Variants in POU6F2 observed in about 807,000 individuals in gnomAD.
POU6F2 encodes POU domain, class 6, transcription factor 2.
POU6F2 carries 31 observed loss-of-function variants against 71.3 expected under a neutral mutation model. The ratio of observed to expected loss-of-function variants is 0.43; its 90% CI spans 0.33 to 0.59. The LOEUF (loss-of-function observed/expected upper bound fraction) is 0.59, where lower values mean the gene tolerates loss of function less well. Ranked by LOEUF, POU6F2 falls within the 20% of genes least tolerant of loss-of-function variation. POU6F2 has a pLI of 0.04. For synonymous variants in POU6F2, 347 were observed against 355.7 expected, an observed-to-expected ratio of 0.98 and a Z score of 0.27; for missense variants, 783 against 856.8, an observed-to-expected ratio of 0.91 and a Z score of 1.07.
At chr7:39,317,479 T>C (rs1785293350) in intron 4 of POU6F2, among the ~76,000 whole-genome samples, 1 of 152,228 alleles carries the variant, frequency 6.6e-6, no homozygotes, top group Non-Finnish European at 1.5e-5. Flanking sequence ...TCAGTTTTTG[T>C]GCCAAAGATA....
At chr7:39,430,733 A>G (rs1307415026) in intron 6 of POU6F2, among the ~76,000 whole-genome samples, 1 of 152,076 alleles carries the variant, frequency 6.6e-6, no homozygotes, top group Non-Finnish European at 1.5e-5. Context: ...ACTTGCTCCC[A>G]CTGGCTCTTA....
At chr7:39,001,708 GTGA>G (rs1788915526) in intron 1 of POU6F2, among the ~76,000 whole-genome samples, 1 of 151,822 alleles carries the variant, frequency 6.6e-6, no homozygotes, top group East Asian at 1.9e-4. Context: ...TGATGGTGAT[GTGA>G]TGATGATATA....
chr7:39,279,975 G>T (rs1225560504), intron 4 of POU6F2, among the ~76,000 whole-genome samples: 1 of 151,990 alleles, frequency 6.6e-6, no homozygotes, highest in Non-Finnish European at 1.5e-5. Flanking sequence ...TCGAACTCCT[G>T]ACCTCATGAT....
intron 2 of POU6F2, among the ~76,000 whole-genome samples, chr7:39,136,165 C>G (rs1251895810): frequency 6.6e-6 from 1 of 151,922 alleles, no homozygotes; most frequent in Non-Finnish European, 1.5e-5. Flanking sequence ...TTACTTTTGC[C>G]CAAATTAACA....
At chr7:39,036,025 C>G (rs562563678) in intron 1 of POU6F2, among the ~76,000 whole-genome samples, 8 of 152,096 alleles carry the variant, frequency 5.3e-5, no homozygotes, top group African/African-American at 1.9e-4. Flanking sequence ...GGAAAAATGC[C>G]GCCCAAAGAA....
At chr7:39,445,754 G>A (rs529203811) in intron 7 of POU6F2, among the ~76,000 whole-genome samples, 154 of 152,326 alleles carry the variant, frequency 1.0e-3, no homozygotes, top group Non-Finnish European at 1.8e-3. Context: ...CCTGTCCACA[G>A]TAGAATGAAT....
In POU6F2 at chr7:39,468,072, A is replaced by G. The variant is rs1225549976; in HGVS notation, c.*3386A>G. On this transcript the variant is annotated 3_prime_UTR_variant, in exon 10 of 10. Transcript: ENST00000518318. ...ATAAAGGAAATTGATTTTCATTTCA[A>G]TGTTTGACTGTAAAATCTGTTTGGA... The G allele has an allele frequency of 6.6e-6, 1 of 152,228 alleles. No homozygotes were observed. Among genetic ancestry groups the G allele is most frequent in the African/African-American group, 2.4e-5 (1 of 41,456 alleles). 9.4% of individuals were successfully genotyped at this position (152,228 alleles called of 1,614,324 possible). A position where few individuals can be genotyped will look rare whatever the true frequency, so the allele number is the denominator to read the frequency against.
chr7:39,108,408 C>T (rs1457790541), intron 2 of POU6F2, among the ~76,000 whole-genome samples: 1 of 151,986 alleles, frequency 6.6e-6, no homozygotes, highest in Non-Finnish European at 1.5e-5. Context: ...CTCTTTCTTT[C>T]CTTCGACCTC....
intron 9 of POU6F2, among the ~76,000 whole-genome samples, chr7:39,463,767 A>G (rs1281794729): frequency 6.6e-6 from 1 of 152,264 alleles, no homozygotes; most frequent in African/African-American, 2.4e-5. Flanking sequence ...ATCATTTTAA[A>G]TGAAAGAATG....
intron 4 of POU6F2, among the ~76,000 whole-genome samples, chr7:39,318,543 G>T (rs2128768437): frequency 6.6e-6 from 1 of 152,292 alleles, no homozygotes; most frequent in East Asian, 1.9e-4. Flanking sequence ...AGAGAGAAAA[G>T]GAGGAAAGGC....
chr7:39,409,993 T>G (rs938572308), intron 6 of POU6F2, among the ~76,000 whole-genome samples: 7 of 152,228 alleles, frequency 4.6e-5, no homozygotes, highest in African/African-American at 1.7e-4. Context: ...TGTCATTCAT[T>G]CAAAGAACAG....
chr7:39,267,231 G>C lies in POU6F2; in HGVS notation c.598+59611G>C, dbSNP rs80350200. 4.4e-3 allele frequency among the ~76,000 whole-genome samples: 665 copies of C among 152,244 alleles called. 6 individuals are homozygous for C. Among genetic ancestry groups the C allele is most frequent in the African/African-American group, 0.015 (626 of 41,562 alleles). ...GAATAGGAAAGAGAACACACACACA[G>C]ACGCCCATAAAATTACAGTGTAGGA... On this transcript the variant is annotated intron_variant, in intron 4 of 9. Coordinates refer to ENST00000518318, the MANE Select transcript of POU6F2 (RefSeq NM_001370959.1).
intron 8 of POU6F2, among the ~76,000 whole-genome samples, chr7:39,455,572 G>A (rs544686619): frequency 6.6e-6 from 1 of 152,126 alleles, no homozygotes; most frequent in East Asian, 1.9e-4. Flanking sequence ...TCATACCTTT[G>A]GAAGCTTCTT....
At chr7:39,045,930 G>A (rs1790283723) in intron 1 of POU6F2, among the ~76,000 whole-genome samples, 1 of 151,880 alleles carries the variant, frequency 6.6e-6, no homozygotes, top group African/African-American at 2.4e-5. Context: ...GCAGATACAA[G>A]TATTTGTGTA....
chr7:39,301,890 T>A (rs1784954394), intron 4 of POU6F2, among the ~76,000 whole-genome samples: 2 of 152,062 alleles, frequency 1.3e-5, no homozygotes, highest in Admixed American at 1.3e-4. Flanking sequence ...TAAATCCACA[T>A]AATGGTAGTA....
chr7:39,271,322 C>T (rs188960339), intron 4 of POU6F2, among the ~76,000 whole-genome samples: 2 of 152,216 alleles, frequency 1.3e-5, no homozygotes, highest in African/African-American at 4.8e-5. Context: ...TAAGTAGCAA[C>T]AGGGACCAGA....
intron 4 of POU6F2, among the ~76,000 whole-genome samples, chr7:39,312,563 C>A (rs112795860): frequency 6.6e-6 from 1 of 152,202 alleles, no homozygotes; most frequent in African/African-American, 2.4e-5. Context: ...TGCCTGAAAC[C>A]GCAAGTAGCA....
intron 5 of POU6F2, among the ~76,000 whole-genome samples, chr7:39,361,536 A>G (rs1402159635): frequency 6.6e-6 from 1 of 152,240 alleles, no homozygotes; most frequent in Non-Finnish European, 1.5e-5. Context: ...ATTTTCAGAA[A>G]CAGATTATTG....
intron 2 of POU6F2, among the ~76,000 whole-genome samples, chr7:39,091,917 GGTT>G (rs1284941742): frequency 2.0e-5 from 3 of 152,166 alleles, no homozygotes; most frequent in African/African-American, 7.2e-5. Context: ...CGACCTTGCT[GGTT>G]TATATTTGGG....
Sources: gnomAD v4.1 joint callset for allele counts (sites outside exome capture counted in the v4.1 genomes callset) on GRCh38, gnomAD v4.1.1 for gene constraint, MANE v1.5 for transcripts, NCBI Gene and HGNC (gene_info 2026-07-23, HGNC 2026-07-21) for gene names.